The following SLC44A5 variants were observed in gnomAD, a reference collection of about 807,000 sequenced individuals.
The protein encoded by SLC44A5 is choline transporter-like protein 5.
A neutral mutation model predicts 101.8 loss-of-function variants in SLC44A5; 57 were observed. That is an observed-to-expected ratio of 0.56 (90% CI 0.45 to 0.70). SLC44A5 has a LOEUF of 0.70. SLC44A5 is among the 30% of genes least tolerant of loss of function. The pLI is 0.00. For synonymous variants in SLC44A5, 281 were observed against 290.9 expected (o/e 0.97, Z 0.35); for missense variants, 737 against 853.1 (o/e 0.86, Z 1.70).
intron 6 of SLC44A5, among the ~76,000 whole-genome samples, chr1:75,256,597 A>G (rs1398727732): frequency 1.3e-5 from 2 of 152,200 alleles, no homozygotes; most frequent in East Asian, 3.8e-4. Flanking sequence ...CTACCAATAC[A>G]TCATGCAAGA....
rs191170590 is a variant in SLC44A5 at position 75,471,491 on chromosome 1, C to T, written c.13+69944G>A. 9.9e-5 allele frequency among the ~76,000 whole-genome samples: 15 copies of T among 152,164 alleles called. No homozygotes were observed. In the East Asian group the frequency reaches 2.5e-3, roughly 26 times the overall value. The stretch of plus-strand genomic sequence containing the variant: ...GGAATGACATAAGCAGCTTCCAAAG[C>T]ACTGCCTCTACCTGATCATAGCCTT... On this transcript the variant is annotated intron_variant, in intron 2 of 23. Coordinates refer to ENST00000370859, the MANE Select transcript of SLC44A5 (RefSeq NM_001130058.2).
chr1:75,491,061 A>G (rs1004293282), intron 2 of SLC44A5, among the ~76,000 whole-genome samples: 1 of 152,130 alleles, frequency 6.6e-6, no homozygotes, highest in African/African-American at 2.4e-5. Context: ...CAAAGTAAAT[A>G]CTTTTAATTC....
chr1:75,476,777 G>C (rs991419951), intron 2 of SLC44A5, among the ~76,000 whole-genome samples: 1 of 152,260 alleles, frequency 6.6e-6, no homozygotes, highest in Non-Finnish European at 1.5e-5. Flanking sequence ...GCCCACCACA[G>C]CTCAAGGAGG....
chr1:75,716,733 G>C, the SLC44A5 span, among the ~76,000 whole-genome samples: 1 of 152,076 alleles, frequency 6.6e-6, no homozygotes. Flanking sequence ...CTATAGACTG[G>C]ATAAAGAAAA....
chr1:75,629,303 T>A, the SLC44A5 span, among the ~76,000 whole-genome samples: 1 of 152,120 alleles, frequency 6.6e-6, no homozygotes, highest in Non-Finnish European at 1.5e-5. Flanking sequence ...TAAAACAAGC[T>A]AATGACATTG....
At chr1:75,330,477 T>C (rs1456829809) in intron 4 of SLC44A5, among the ~76,000 whole-genome samples, 5 of 152,198 alleles carry the variant, frequency 3.3e-5, no homozygotes, top group Admixed American at 6.5e-5. Flanking sequence ...GCTTACTATC[T>C]TGCAACTATG....
chr1:75,576,254 GGAGATA>G (rs538814770), intron 1 of SLC44A5, among the ~76,000 whole-genome samples: 13 of 151,852 alleles, frequency 8.6e-5, no homozygotes, highest in Non-Finnish European at 1.5e-4. Context: ...AGTTGGAGAT[GGAGATA>G]GAGATAGAGA....
At chr1:75,327,801 T>C (rs185000772) in intron 4 of SLC44A5, among the ~76,000 whole-genome samples, 6 of 152,362 alleles carry the variant, frequency 3.9e-5, no homozygotes, top group Non-Finnish European at 7.3e-5. Context: ...GGTATGGAAA[T>C]CCTGCATAGT....
At chr1:75,232,606 C>A (rs1647682681) in intron 12 of SLC44A5, among the ~76,000 whole-genome samples, 1 of 151,972 alleles carries the variant, frequency 6.6e-6, no homozygotes, top group Non-Finnish European at 1.5e-5. Context: ...CCTGAGAAGT[C>A]CAAATGATTT....
the SLC44A5 span, among the ~76,000 whole-genome samples, chr1:75,634,315 C>A: frequency 6.6e-6 from 1 of 152,066 alleles, no homozygotes; most frequent in Non-Finnish European, 1.5e-5. Flanking sequence ...CCTCCTTGTA[C>A]CTCTGGTAGA....
intron 6 of SLC44A5, among the ~76,000 whole-genome samples, chr1:75,262,930 T>C (rs1033617918): frequency 4.6e-5 from 7 of 152,206 alleles, no homozygotes; most frequent in African/African-American, 1.4e-4. Flanking sequence ...GCTAGCCATA[T>C]GCAGAAAGCT....
chr1:75,238,939 A>G (rs1648374623), intron 9 of SLC44A5, among the ~76,000 whole-genome samples: 1 of 152,148 alleles, frequency 6.6e-6, no homozygotes, highest in Admixed American at 6.6e-5. Flanking sequence ...ACAATGATAC[A>G]TACCATTCAT....
chr1:75,449,527 G>C (rs961054600), intron 2 of SLC44A5, among the ~76,000 whole-genome samples: 1 of 152,096 alleles, frequency 6.6e-6, no homozygotes, highest in Non-Finnish European at 1.5e-5. Flanking sequence ...GACTTTGCGG[G>C]AATCTTCCTC....
intron 3 of SLC44A5, chr1:75,357,191 T>C (rs1213368875): frequency 2.2e-6 from 1 of 455,714 alleles, no homozygotes; most frequent in East Asian, 7.0e-5. Context: ...ACGTTATGCC[T>C]TTTCTTGGCC....
rs1221880211 is a variant in SLC44A5, at chr1:75,202,339, T to C, written c.*1388A>G. On this transcript the variant is annotated 3_prime_UTR_variant, in exon 24 of 24. Transcript: ENST00000370859. ...GGCATAAAAGTATCTAAAGTCACAT[T>C]TAAACAAATGTGATAATATTTTATA... is the stretch of plus-strand genomic sequence containing the variant. The C allele has an allele frequency of 6.6e-6, 1 of 152,162 alleles. No individual in the cohort carries two copies. The highest frequency in any genetic ancestry group is 1.9e-4 in the East Asian group (1 of 5,198). The allele number at this position is 152,162 out of a possible 1,614,324, so 9.4% of individuals were successfully genotyped here.
At chr1:75,521,012 G>A (rs919581325) in intron 2 of SLC44A5, among the ~76,000 whole-genome samples, 3 of 152,146 alleles carry the variant, frequency 2.0e-5, no homozygotes, top group African/African-American at 7.2e-5. Flanking sequence ...ACACAGGGTA[G>A]CAGGGGTTGA....
intron 2 of SLC44A5, among the ~76,000 whole-genome samples, chr1:75,455,837 C>G (rs1666157703): frequency 6.6e-6 from 1 of 151,856 alleles, no homozygotes; most frequent in African/African-American, 2.4e-5. Context: ...AGAATGGCTA[C>G]TATTACAAAG....
chr1:75,406,061 T>C (rs1217826571), intron 2 of SLC44A5, among the ~76,000 whole-genome samples: 1 of 151,958 alleles, frequency 6.6e-6, no homozygotes, highest in Non-Finnish European at 1.5e-5. Context: ...ATACAAACTA[T>C]TGTTAGAGAA....
intron 7 of SLC44A5, among the ~76,000 whole-genome samples, chr1:75,243,950 C>T (rs1006459371): frequency 3.3e-5 from 5 of 151,974 alleles, no homozygotes; most frequent in African/African-American, 1.2e-4. Context: ...TTAGAAAGAG[C>T]CTGGCACCTC....
Sources: allele counts gnomAD v4.1 joint callset (sites outside exome capture counted in the v4.1 genomes callset), GRCh38; gene constraint gnomAD v4.1.1; transcripts MANE v1.5; gene names NCBI Gene and HGNC (gene_info 2026-07-23, HGNC 2026-07-21).